Variants in MMP24 observed in about 807,000 individuals in gnomAD.
MMP24 encodes matrix metalloproteinase-24.
In MMP24, 25 loss-of-function variants were observed where a neutral mutation model predicts 62.8. The ratio of observed to expected loss-of-function variants is 0.40; its 90% CI spans 0.29 to 0.56. The LOEUF (loss-of-function observed/expected upper bound fraction) is 0.56. Among genes scored for constraint, MMP24 ranks in the 20% least tolerant of loss-of-function variants. MMP24 has a pLI of 0.50. For missense variants in MMP24, 634 were observed against 853.6 expected, an observed-to-expected ratio of 0.74 and a Z score of 3.21; for synonymous variants, 319 against 350.5, an observed-to-expected ratio of 0.91 and a Z score of 1.00.
Position 35,226,829 on chromosome 20 carries a change from G to A in MMP24, c.91G>A (p.Val31Ile). ...GQAPRWSRWR[V>I]PGRLLLLLLP... Reference sequence around the variant, plus strand: ...GGCCCCGCGCTGGAGCCGCTGGCGGGTCCCTGGGCGGCTGCTGCTGCTGCT... The same window carrying A: ...GGCCCCGCGCTGGAGCCGCTGGCGGATCCCTGGGCGGCTGCTGCTGCTGCT... The change falls in exon 1 of 9, where the codon GTC becomes ATC. Residue 31 changes from valine to isoleucine, a missense_variant. Val to Ile is a conservative substitution (Grantham distance 29). This residue lies in a region of MMP24 where 212 missense variants were observed against 259.6 expected (regional missense o/e 0.82). Transcript: ENST00000246186. 1 of 978,804 alleles carries A rather than the reference G, an allele frequency of 1.0e-6. No individual in the cohort carries two copies. The highest frequency in any genetic ancestry group is 1.2e-6 in the Non-Finnish European group (1 of 827,310). 60.6% of individuals were successfully genotyped at this position (978,804 alleles called of 1,614,324 possible). A position where few individuals can be genotyped will look rare whatever the true frequency, so the allele number is the denominator to read the frequency against.
intron 1 of MMP24, among the ~76,000 whole-genome samples, chr20:35,230,157 T>C (rs988859276): frequency 3.9e-5 from 6 of 151,980 alleles, no homozygotes; most frequent in African/African-American, 1.5e-4. Context: ...GCCCGGTTAA[T>C]TTTTGTATTT....
chr20:35,261,788 G>C (rs1414795141), intron 4 of MMP24, among the ~76,000 whole-genome samples: 1 of 147,956 alleles, frequency 6.8e-6, no homozygotes. Flanking sequence ...CTCCACCTCA[G>C]GGCATCCTTT....
chr20:35,262,321 G>A (rs999276200), intron 4 of MMP24, among the ~76,000 whole-genome samples: 3 of 152,130 alleles, frequency 2.0e-5, no homozygotes, highest in Non-Finnish European at 2.9e-5. Context: ...GGTGTTTCTC[G>A]AAGAGGGGGA....
rs1218654413 is a variant in MMP24 at position 35,226,785 on chromosome 20, C to T, written c.47C>T (p.Pro16Leu). 1 of 936,576 alleles carries T rather than the reference C, an allele frequency of 1.1e-6. No individual in the cohort carries two copies. Among genetic ancestry groups the T allele is most frequent in the Non-Finnish European group, 1.3e-6 (1 of 788,678 alleles). The allele number at this position is 936,576 out of a possible 1,614,324, so 58.0% of individuals were successfully genotyped here. The change falls in exon 1 of 9, where the codon CCG becomes CTG. Residue 16 changes from proline to leucine, a missense_variant. By Grantham distance (98) the Pro-to-Leu change is moderately conservative. Transcript: ENST00000246186. Reference sequence around the variant, plus strand: ...CGCGCCGCGCCGGGGCCGCCGCCGCCGCCGCCGCCGCCGGGCCAGGCCCCG... The same window carrying T: ...CGCGCCGCGCCGGGGCCGCCGCCGCTGCCGCCGCCGCCGGGCCAGGCCCCG... Reference protein sequence around the residue: ...GGRAAPGPPPPPPPPGQAPRW... With the variant: ...GGRAAPGPPPLPPPPGQAPRW...
chr20:35,275,904 C>T lies in MMP24; in HGVS notation c.*1295C>T. On this transcript the variant is annotated 3_prime_UTR_variant, in exon 9 of 9. Transcript: ENST00000246186. ...TTGACCTTCACTGGCCCGCCCTTCA[C>T]TGTCTCCAGCAGGAGTTCCTAGGGC... 1 of 398,008 alleles carries T rather than the reference C, an allele frequency of 2.5e-6. No homozygotes were observed. Among genetic ancestry groups the T allele is most frequent in the Non-Finnish European group, 4.4e-6 (1 of 226,048 alleles). 24.7% of individuals were successfully genotyped at this position (398,008 alleles called of 1,614,324 possible).
At position 35,274,241 on chromosome 20, in the gene MMP24, G is replaced by T. The variant is rs1483940446; in HGVS notation, c.1601-31G>T. ...CCAGAGCAGGTGCCGGAAGTGTCTG[G>T]GAGTGGTGATGCTGGGCTGTATTTC... On this transcript the variant is annotated intron_variant, in intron 8 of 8. Transcript: ENST00000246186. This position sits in a 1 kb window ranked among gnomAD's most constrained non-coding sequence, Gnocchi z 5.1. The T allele has an allele frequency of 6.4e-7, 1 of 1,568,046 alleles. No individual in the cohort carries two copies. Among genetic ancestry groups the T allele is most frequent in the South Asian group, 1.2e-5 (1 of 85,374 alleles).
At chr20:35,246,515 G>A (rs1386476218) in intron 1 of MMP24, among the ~76,000 whole-genome samples, 4 of 152,054 alleles carry the variant, frequency 2.6e-5, no homozygotes, top group Non-Finnish European at 5.9e-5. Context: ...GCTTTTCCAG[G>A]TCTAGTCCAA....
chr20:35,274,797 A>G lies in MMP24; in HGVS notation c.*188A>G. 1 of 616,686 alleles carries G rather than the reference A, an allele frequency of 1.6e-6. No homozygotes were observed. The highest frequency in any genetic ancestry group is 2.8e-6 in the Non-Finnish European group (1 of 356,294). 38.2% of individuals were successfully genotyped at this position (616,686 alleles called of 1,614,324 possible). A position where few individuals can be genotyped will look rare whatever the true frequency, so the allele number is the denominator to read the frequency against. On this transcript the variant is annotated 3_prime_UTR_variant, in exon 9 of 9. Transcript: ENST00000246186. The surrounding 1 kb of genome is among the most constrained non-coding windows in gnomAD (Gnocchi z 5.1). The stretch of plus-strand genomic sequence containing the variant: ...CAGGGAATTATGGGGGCTGTGCCCC[A>G]GGGTGGGTGTCTGGCACCCAGCTGC...
At chr20:35,260,846 T>C (rs1319818653) in intron 4 of MMP24, among the ~76,000 whole-genome samples, 7 of 152,232 alleles carry the variant, frequency 4.6e-5, no homozygotes, top group Non-Finnish European at 1.0e-4. Flanking sequence ...CATGGGGTTC[T>C]TCTCTCTTCC....
chr20:35,232,279 G>A (rs1301927304), intron 1 of MMP24, among the ~76,000 whole-genome samples: 1 of 152,152 alleles, frequency 6.6e-6, no homozygotes. Flanking sequence ...TAGCCCTATA[G>A]TATGGTATTG....
chr20:35,229,179 C>T (rs2060427534), intron 1 of MMP24, among the ~76,000 whole-genome samples: 1 of 152,222 alleles, frequency 6.6e-6, no homozygotes, highest in Admixed American at 6.5e-5. Context: ...TAACTTCCTT[C>T]AAGCATTCGC....
intron 8 of MMP24, among the ~76,000 whole-genome samples, chr20:35,273,939 G>A (rs2060687749): frequency 6.6e-6 from 1 of 152,188 alleles, no homozygotes; most frequent in Non-Finnish European, 1.5e-5. Flanking sequence ...AGCGGGGCAA[G>A]GGGGACCTGT....
intron 2 of MMP24, among the ~76,000 whole-genome samples, chr20:35,247,359 G>C (rs745774852): frequency 6.6e-6 from 1 of 152,178 alleles, no homozygotes; most frequent in African/African-American, 2.4e-5. Context: ...TACAGAAAAC[G>C]CTTGAATGAT....
At chr20:35,231,177 G>A (rs1183492532) in intron 1 of MMP24, among the ~76,000 whole-genome samples, 2 of 152,200 alleles carry the variant, frequency 1.3e-5, no homozygotes, top group East Asian at 3.8e-4. Flanking sequence ...AGAACAGGAT[G>A]AAAGAGACAA....
rs1368533597 is a variant in MMP24, at chr20:35,269,380, G to A, written c.1195-380G>A. Among the ~76,000 whole-genome samples the A allele has an allele frequency of 1.3e-5, 2 of 152,172 alleles. No homozygotes were observed. Among genetic ancestry groups the A allele is most frequent in the African/African-American group, 4.8e-5 (2 of 41,428 alleles). On this transcript the variant is annotated intron_variant, in intron 6 of 8. Transcript: ENST00000246186. The surrounding 1 kb of genome is among the most constrained non-coding windows in gnomAD (Gnocchi z 4.6). Reference sequence around the variant, plus strand: ...GAGCCAGCCTCATGGAGGGCGCTCGGCCCAGGCTCAGTGACCACCCCAGCC... The same window carrying A: ...GAGCCAGCCTCATGGAGGGCGCTCGACCCAGGCTCAGTGACCACCCCAGCC...
At chr20:35,247,153 G>A (rs1444294481) in intron 2 of MMP24, among the ~76,000 whole-genome samples, 165 bp downstream of exon 2, 1 of 152,096 alleles carries the variant, frequency 6.6e-6, no homozygotes, top group Admixed American at 6.5e-5. Context: ...GGGGTGTGCT[G>A]GGATGGGAGT....
intron 1 of MMP24, among the ~76,000 whole-genome samples, chr20:35,245,935 A>AT (rs1450734839): frequency 6.6e-6 from 1 of 151,794 alleles, no homozygotes; most frequent in Non-Finnish European, 1.5e-5. Context: ...GCCTTTCTAG[A>AT]TTTTTTCTAT....
intron 8 of MMP24, among the ~76,000 whole-genome samples, chr20:35,272,327 C>G (rs1863245473): frequency 6.6e-6 from 1 of 152,192 alleles, no homozygotes; most frequent in Admixed American, 6.5e-5. Flanking sequence ...CCTCAACCTC[C>G]TAGTCTCAAA....
At chr20:35,246,791 C>G in intron 1 of MMP24, 49 bp from the exon 2 acceptor site, 1 of 1,604,462 alleles carries the variant, frequency 6.2e-7, no homozygotes. Context: ...CCAGGTAGAA[C>G]AGAGCCTTTC....
Sources: allele counts gnomAD v4.1 joint callset (sites outside exome capture counted in the v4.1 genomes callset), GRCh38; gene constraint gnomAD v4.1.1; regional missense constraint gnomAD v4.1.1; non-coding constraint Gnocchi (gnomAD v3.1); transcripts MANE v1.5; gene names NCBI Gene and HGNC (gene_info 2026-07-23, HGNC 2026-07-21).